EPB41: variants seen among roughly 807,000 people sequenced by gnomAD.
EPB41 encodes the protein erythrocyte membrane protein band 4.1.
Under a neutral mutation model 108.0 loss-of-function variants are expected in EPB41, and 65 were observed. The observed-to-expected ratio is 0.60, with a 90% CI of 0.49 to 0.74. The LOEUF is 0.74. EPB41 is among the 30% of genes least tolerant of loss of function. The pLI, the probability that EPB41 is intolerant of heterozygous loss-of-function variation, is 0.00. For synonymous variants in EPB41, 336 were observed against 358.9 expected, an observed-to-expected ratio of 0.94 and a Z score of 0.72; for missense variants, 875 against 1,037.0, an observed-to-expected ratio of 0.84 and a Z score of 2.15.
intron 18 of EPB41, 22 bp from the exon 19 acceptor site, chr1:29,112,346 G>T: frequency 6.4e-7 from 1 of 1,573,424 alleles, no homozygotes; most frequent in South Asian, 1.1e-5. Context: ...GATCTCATAT[G>T]ACATCTTCTC....
chr1:29,098,202 T>C (rs1446026856), intron 17 of EPB41, among the ~76,000 whole-genome samples: 1 of 152,076 alleles, frequency 6.6e-6, no homozygotes, highest in African/African-American at 2.4e-5. Flanking sequence ...GCCATCTGAA[T>C]ATTTTTTTTT....
Position 29,109,405 on chromosome 1 carries a change from C to T in EPB41, c.2383C>T (p.Pro795Ser). The change falls in exon 18 of 21, where the codon CCA becomes TCA. Residue 795 changes from proline (P) to serine (S), a missense_variant. Physicochemically the swap from Pro to Ser is moderately conservative, Grantham distance 74. Transcript: ENST00000343067. The stretch of plus-strand genomic sequence containing the variant: ...AGCTCAAACTATCACATCTGAGACC[C>T]CAAGCAGCACCACCACAACTCAAAT... ...LTAQTITSET[P>S]SSTTTTQITK... 6.2e-7 allele frequency: 1 copy of T among 1,614,052 alleles called. No homozygotes were observed. Among genetic ancestry groups the T allele is most frequent in the Non-Finnish European group, 8.5e-7 (1 of 1,179,990 alleles).
At chr1:29,098,641 T>A (rs1454321956) in intron 17 of EPB41, among the ~76,000 whole-genome samples, 1 of 152,226 alleles carries the variant, frequency 6.6e-6, no homozygotes, top group Non-Finnish European at 1.5e-5. Context: ...CTCCACTTAC[T>A]GACTTGGACA....
chr1:28,940,258 C>T (rs1571021690), intron 1 of EPB41, among the ~76,000 whole-genome samples: 2 of 152,192 alleles, frequency 1.3e-5, no homozygotes, highest in African/African-American at 4.8e-5. Flanking sequence ...CTTGATTAAA[C>T]TTAGATAACT....
chr1:29,048,895 G>A (rs954825574), intron 11 of EPB41, among the ~76,000 whole-genome samples: 1 of 152,004 alleles, frequency 6.6e-6, no homozygotes, highest in Admixed American at 6.6e-5. Context: ...TATAAAAAGT[G>A]GAAATATGTC....
chr1:28,941,830 G>T (rs143860200), intron 1 of EPB41, among the ~76,000 whole-genome samples: 532 of 144,734 alleles, frequency 3.7e-3, no homozygotes, highest in African/African-American at 9.3e-3. Context: ...GGAGGCGGAG[G>T]TTGCAGTGAG....
At chr1:28,974,670 G>C (rs1557874724) in intron 1 of EPB41, among the ~76,000 whole-genome samples, 1 of 152,166 alleles carries the variant, frequency 6.6e-6, no homozygotes, top group African/African-American at 2.4e-5. Flanking sequence ...TGAGATACTG[G>C]ATGGTATGAT....
chr1:28,936,829 T>C (rs1038200373), intron 1 of EPB41, among the ~76,000 whole-genome samples: 4 of 152,232 alleles, frequency 2.6e-5, no homozygotes, highest in South Asian at 2.1e-4. Context: ...GGATATTGTG[T>C]TGTTTGTGCT....
At chr1:28,975,368 G>A (rs1256136857) in intron 1 of EPB41, among the ~76,000 whole-genome samples, 1 of 152,130 alleles carries the variant, frequency 6.6e-6, no homozygotes, top group Non-Finnish European at 1.5e-5. Context: ...ACTAAGGGCA[G>A]CAGGAGTTCT....
At position 29,047,253 on chromosome 1, in the gene EPB41, C is replaced by CTT. The variant is rs755248112; in HGVS notation, c.1637-5836_1637-5835dup. ...TGTTTCTTTTTTCTTTCTTTCTTTC[C>CTT]TTTTTTTTTTTTTTTTGGAGAGAGA... On this transcript the variant is annotated intron_variant, in intron 11 of 20. Coordinates refer to ENST00000343067, the MANE Select transcript of EPB41 (RefSeq NM_001376013.1). Among the ~76,000 whole-genome samples, 570 of 100,514 alleles carry CTT rather than the reference C, an allele frequency of 5.7e-3. 41 individuals carry two copies. Among genetic ancestry groups the CTT allele is most frequent in the African/African-American group, 0.026 (514 of 19,742 alleles). The allele number at this position is 100,514 out of a possible 152,430, so 65.9% of individuals were successfully genotyped here.
chr1:29,058,660 G>T lies in EPB41; in HGVS notation c.1902+15G>T. 6.2e-7 allele frequency: 1 copy of T among 1,611,648 alleles called. No homozygotes were observed. Among genetic ancestry groups the T allele is most frequent in the Non-Finnish European group, 8.5e-7 (1 of 1,178,656 alleles). ...ACCAAACACAGGTTTGTGCCAATAG[G>T]CCACTTGTTCCTCTTTCCCTCCACC... On this transcript the variant is annotated intron_variant, in intron 13 of 20. Coordinates refer to ENST00000343067, the MANE Select transcript of EPB41 (RefSeq NM_001376013.1).
chr1:28,963,344 C>CGTGTGTGTGTGTGTGTGTGTGT (rs57558766), intron 1 of EPB41, among the ~76,000 whole-genome samples: 1 of 146,210 alleles, frequency 6.8e-6, no homozygotes, highest in African/African-American at 2.5e-5. Context: ...AAATCAGAAT[C>CGTGTGTGTGTGTGTGTGTGTGT]GTGTGTGTGT....
At chr1:29,102,389 A>G (rs1366776122) in intron 17 of EPB41, among the ~76,000 whole-genome samples, 2 of 152,146 alleles carry the variant, frequency 1.3e-5, no homozygotes, top group South Asian at 2.1e-4. Flanking sequence ...TTAGGTTTGT[A>G]TATCAATACA....
chr1:28,901,180 T>C (rs569430540), intron 1 of EPB41, among the ~76,000 whole-genome samples: 30 of 151,812 alleles, frequency 2.0e-4, no homozygotes, highest in Admixed American at 7.2e-4. Flanking sequence ...CCGCCCGCCT[T>C]GGCCTCCCAA....
rs866854912 is a variant in EPB41, at chr1:28,887,179, G to A, written c.-39G>A. ...CGAGAGCGGCGCGGAGCCAGAACGC[G>A]GTCGGCCCGGTCCCCGCCGCACCCA... On this transcript the variant is annotated 5_prime_UTR_variant, in exon 1 of 17. Transcript: ENST00000347529. The surrounding 1 kb of genome is among the most constrained non-coding windows in gnomAD (Gnocchi z 4.9). The A allele has an allele frequency of 1.6e-6, 2 of 1,218,622 alleles. No individual in the cohort carries two copies. The highest frequency in any genetic ancestry group is 2.2e-6 in the Non-Finnish European group (2 of 925,194). The allele number at this position is 1,218,622 out of a possible 1,614,324, so 75.5% of individuals were successfully genotyped here. A position where few individuals can be genotyped will look rare whatever the true frequency, so the allele number is the denominator to read the frequency against.
chr1:29,084,232 GTCAA>G (rs1381984202), intron 16 of EPB41, among the ~76,000 whole-genome samples: 1 of 152,136 alleles, frequency 6.6e-6, no homozygotes, highest in Admixed American at 6.6e-5. Context: ...CTCAATCTAT[GTCAA>G]TCTTATTAAA....
intron 1 of EPB41, among the ~76,000 whole-genome samples, chr1:28,969,600 C>T (rs959191890): frequency 1.6e-4 from 24 of 150,076 alleles, no homozygotes; most frequent in Non-Finnish European, 2.8e-4. Context: ...CCCGTCTGTA[C>T]TAAAAATACA....
chr1:28,945,447 G>A (rs1255842951), intron 1 of EPB41, among the ~76,000 whole-genome samples: 5 of 152,118 alleles, frequency 3.3e-5, no homozygotes, highest in Admixed American at 6.6e-5. Context: ...CTTGGTATCT[G>A]TAGTTGAGAG....
intron 1 of EPB41, among the ~76,000 whole-genome samples, chr1:28,975,216 G>A (rs918716795): frequency 3.3e-5 from 5 of 152,156 alleles, no homozygotes; most frequent in African/African-American, 1.2e-4. Context: ...ACAGGCGTGA[G>A]TTACCGTGCC....
Sources: allele counts gnomAD v4.1 joint callset (sites outside exome capture counted in the v4.1 genomes callset), GRCh38; gene constraint gnomAD v4.1.1; non-coding constraint Gnocchi (gnomAD v3.1); transcripts MANE v1.5; gene names NCBI Gene and HGNC (gene_info 2026-07-23, HGNC 2026-07-21).